Variants in SRD5A2 observed in about 807,000 individuals in gnomAD.
SRD5A2 encodes the protein 3-oxo-5-alpha-steroid 4-dehydrogenase 2.
A neutral mutation model predicts 27.4 loss-of-function variants in SRD5A2; 30 were observed. The observed-to-expected ratio is 1.10, with a 90% CI of 0.82 to 1.49. SRD5A2 has a LOEUF of 1.49. Among genes scored for constraint, SRD5A2 ranks in the 40% most tolerant of loss-of-function variants. SRD5A2 has a pLI of 0.00. For synonymous variants in SRD5A2, 141 were observed against 133.6 expected (o/e 1.06, Z -0.38); for missense variants, 348 against 323.4 (o/e 1.08, Z -0.58).
the SRD5A2 span, among the ~76,000 whole-genome samples, chr2:31,616,450 C>A: frequency 6.6e-6 from 1 of 152,192 alleles, no homozygotes; most frequent in African/African-American, 2.4e-5. Flanking sequence ...AGGCACAGAG[C>A]TACCCAAGGC....
At chr2:31,527,871 CA>C (rs1665817925) in intron 4 of SRD5A2, among the ~76,000 whole-genome samples, 1 of 152,172 alleles carries the variant, frequency 6.6e-6, no homozygotes, top group Admixed American at 6.5e-5. Context: ...GTTAAATCTT[CA>C]AAACTAGGCA....
At chr2:31,594,868 G>A in the SRD5A2 span, among the ~76,000 whole-genome samples, 12 of 151,988 alleles carry the variant, frequency 7.9e-5, no homozygotes, top group African/African-American at 1.7e-4. Context: ...CTGTCATACC[G>A]CAGTAGAATA....
At chr2:31,609,047 TAAG>T in the SRD5A2 span, among the ~76,000 whole-genome samples, 1 of 151,992 alleles carries the variant, frequency 6.6e-6, no homozygotes, top group African/African-American at 2.4e-5. Context: ...GAGAACACAA[TAAG>T]AAGATCGCCA....
At chr2:31,648,908 G>A in the SRD5A2 span, among the ~76,000 whole-genome samples, 1 of 152,156 alleles carries the variant, frequency 6.6e-6, no homozygotes, top group Non-Finnish European at 1.5e-5. Flanking sequence ...TGCTTCAGTT[G>A]CCAGGCACCT....
the SRD5A2 span, among the ~76,000 whole-genome samples, chr2:31,590,345 T>C: frequency 6.6e-6 from 1 of 152,310 alleles, no homozygotes; most frequent in South Asian, 2.1e-4. Context: ...TATCCTCTTT[T>C]ATTTCACTGA....
chr2:31,630,417 A>C, the SRD5A2 span, among the ~76,000 whole-genome samples: 4 of 152,132 alleles, frequency 2.6e-5, no homozygotes, highest in Non-Finnish European at 4.4e-5. Flanking sequence ...AGCCAGGGTA[A>C]ATTTAAAACC....
rs775228331 is a variant in SRD5A2 at position 31,580,601 on chromosome 2, C to T, written c.281+19G>A. 2.0e-6 allele frequency: 3 copies of T among 1,515,026 alleles called. No homozygotes were observed. The highest frequency in any genetic ancestry group is 2.6e-6 in the Non-Finnish European group (3 of 1,135,130). 93.8% of individuals were successfully genotyped at this position (1,515,026 alleles called of 1,614,324 possible). ...AGGGCAGTGCGCTGCACTGGGCGCC[C>T]GCAAGGGAAAAACGCTACCTGTGGA... On this transcript the variant is annotated intron_variant, in intron 1 of 4. Transcript: ENST00000622030.
chr2:31,557,629 T>G (rs1030875785), intron 1 of SRD5A2, among the ~76,000 whole-genome samples: 1 of 152,172 alleles, frequency 6.6e-6, no homozygotes, highest in African/African-American at 2.4e-5. Context: ...GGAGTAGGAA[T>G]GGATGAGAAA....
chr2:31,588,224 T>A, the SRD5A2 span, among the ~76,000 whole-genome samples: 34 of 152,100 alleles, frequency 2.2e-4, no homozygotes, highest in Non-Finnish European at 3.8e-4. Context: ...AACAGAAAAC[T>A]TCTCAAACCT....
the SRD5A2 span, among the ~76,000 whole-genome samples, chr2:31,652,820 T>C: frequency 1.3e-5 from 2 of 152,162 alleles, no homozygotes; most frequent in African/African-American, 4.8e-5. Context: ...AAGCTATGTG[T>C]TTTTACCTGA....
At chr2:31,626,817 A>AC in the SRD5A2 span, among the ~76,000 whole-genome samples, 1 of 150,512 alleles carries the variant, frequency 6.6e-6, no homozygotes, top group Non-Finnish European at 1.5e-5. Flanking sequence ...CTAAAATTCT[A>AC]TTTTTTTTTG....
At chr2:31,604,626 C>A in the SRD5A2 span, among the ~76,000 whole-genome samples, 4 of 151,516 alleles carry the variant, frequency 2.6e-5, no homozygotes, top group Non-Finnish European at 5.9e-5. Flanking sequence ...ACAATAAAAA[C>A]CACAAAACAT....
chr2:31,580,531 G>A (rs1340161327), intron 1 of SRD5A2, 89 bp downstream of exon 1: 2 of 1,397,842 alleles, frequency 1.4e-6, no homozygotes, highest in South Asian at 1.5e-5. Flanking sequence ...CCTCCTTGGC[G>A]TTCCTCGGTG....
At chr2:31,529,619 G>A (rs1337170148) in intron 3 of SRD5A2, among the ~76,000 whole-genome samples, 162 bp from the exon 4 acceptor site, 2 of 152,178 alleles carry the variant, frequency 1.3e-5, no homozygotes, top group Non-Finnish European at 2.9e-5. Context: ...TTGGGGAGAA[G>A]GGGAAACAAA....
chr2:31,558,246 A>ATTT (rs1388619065), intron 1 of SRD5A2, among the ~76,000 whole-genome samples: 4 of 152,224 alleles, frequency 2.6e-5, no homozygotes, highest in African/African-American at 7.2e-5. Context: ...TTCTAGTAAC[A>ATTT]GGAGACCTAT....
the SRD5A2 span, among the ~76,000 whole-genome samples, chr2:31,590,395 C>T: frequency 1.3e-5 from 2 of 152,054 alleles, no homozygotes; most frequent in African/African-American, 4.8e-5. Flanking sequence ...TCCTTCACGT[C>T]CCTTGTAAGT....
chr2:31,641,025 T>G, the SRD5A2 span, among the ~76,000 whole-genome samples: 1 of 152,164 alleles, frequency 6.6e-6, no homozygotes, highest in Non-Finnish European at 1.5e-5. Flanking sequence ...AAAAGTCTTA[T>G]TATTCTCCTC....
chr2:31,632,322 C>T, the SRD5A2 span, among the ~76,000 whole-genome samples: 1 of 152,104 alleles, frequency 6.6e-6, no homozygotes, highest in Admixed American at 6.5e-5. Context: ...AAATTGAATG[C>T]CTAATAGGGA....
the SRD5A2 span, among the ~76,000 whole-genome samples, chr2:31,590,951 A>G: frequency 6.6e-6 from 1 of 152,236 alleles, no homozygotes; most frequent in Admixed American, 6.5e-5. Context: ...TGGATTAAAG[A>G]CTTAAATGTT....
Sources: gnomAD v4.1 joint callset for allele counts (sites outside exome capture counted in the v4.1 genomes callset) on GRCh38, gnomAD v4.1.1 for gene constraint, MANE v1.5 for transcripts, NCBI Gene and HGNC (gene_info 2026-07-23, HGNC 2026-07-21) for gene names.